Variants in SEPTIN6 observed in about 807,000 individuals in gnomAD.
SEPTIN6 encodes septin-6.
In SEPTIN6, 8 loss-of-function variants were observed where a neutral mutation model predicts 33.6. The observed-to-expected ratio is 0.24, with a 90% CI of 0.14 to 0.43. The LOEUF (loss-of-function observed/expected upper bound fraction) is 0.43. SEPTIN6 is among the 20% of genes least tolerant of loss of function. The pLI, the probability that SEPTIN6 is intolerant of heterozygous loss-of-function variation, is 1.00. For missense variants in SEPTIN6, 250 were observed against 340.8 expected, an observed-to-expected ratio of 0.73 and a Z score of 2.10; for synonymous variants, 131 against 140.0, an observed-to-expected ratio of 0.94 and a Z score of 0.45.
chrX:119,656,923 T>A, intron 3 of SEPTIN6, among the ~76,000 whole-genome samples: 1 of 99,437 alleles, frequency 1.0e-5, no homozygotes. Flanking sequence ...ATAAAGAAAA[T>A]GTGAAAATGT....
chrX:119,616,750 GGAGA>G (rs1473926588), downstream of SEPTIN6: 8 of 1,187,236 alleles, frequency 6.7e-6, no homozygotes, highest in African/African-American at 7.1e-5. Flanking sequence ...AAGCTGGAAA[GGAGA>G]GAGAAAGAGA....
chrX:119,686,583 C>T (rs1281351970), intron 1 of SEPTIN6: 5 of 965,850 alleles, frequency 5.2e-6, no homozygotes, highest in Non-Finnish European at 6.6e-6. Context: ...TGGCCTCCTT[C>T]CTCTGTGCAG....
chrX:119,647,812 CCTGGCTAA>C (rs1205352848), intron 5 of SEPTIN6, among the ~76,000 whole-genome samples: 1 of 107,917 alleles, frequency 9.3e-6, no homozygotes, highest in Non-Finnish European at 1.9e-5. Context: ...CGCCACCATG[CCTGGCTAA>C]TTTTGTCTTT....
At chrX:119,634,568 G>C (rs1170786563) in intron 7 of SEPTIN6, among the ~76,000 whole-genome samples, 2 of 111,060 alleles carry the variant, frequency 1.8e-5, no homozygotes, top group Non-Finnish European at 3.8e-5. Context: ...AAGAGAACAG[G>C]CTTTGAATGC....
At chrX:119,669,135 G>C (rs182366126) in intron 2 of SEPTIN6, among the ~76,000 whole-genome samples, 1 of 113,037 alleles carries the variant, frequency 8.8e-6, no homozygotes, top group Non-Finnish European at 1.9e-5. Context: ...CTAGTCCAAG[G>C]TCACAAACTA....
chrX:119,635,094 G>A (rs1338636161), intron 7 of SEPTIN6: 1 of 351,065 alleles, frequency 2.8e-6, no homozygotes, highest in East Asian at 7.9e-5. Context: ...GGAGGGAGCA[G>A]TAAGGGAAGC....
chrX:119,687,529 G>A (rs1164158905), intron 1 of SEPTIN6, among the ~76,000 whole-genome samples: 1 of 111,442 alleles, frequency 9.0e-6, no homozygotes, highest in Non-Finnish European at 1.9e-5. Context: ...GATTACAGAC[G>A]TGAGCCACCG....
chrX:119,624,144 GTTT>G (rs11338110), intron 10 of SEPTIN6: 10 of 208,036 alleles, frequency 4.8e-5, no homozygotes, highest in African/African-American at 3.0e-4. Flanking sequence ...TTTATTATGG[GTTT>G]TTTTTTTTTG....
Position 119,637,104 on chromosome X carries a change from C to G in SEPTIN6, c.879G>C (p.Arg293=), listed in dbSNP as rs918102450. The change falls in exon 7 of 11, where the codon CGG becomes CGC. Residue 293 remains arginine (R), a synonymous_variant. Transcript: ENST00000394610. ...TACAGCGGCGATACAGCTCATAGTG[C>G]CGGGTGTGGGTCTGCTCCCGCAGAT... ...MEDLREQTHT[R]HYELYRRCKL... 3.3e-6 allele frequency: 4 copies of G among 1,209,429 alleles called. No individual in the cohort carries two copies. The highest frequency in any genetic ancestry group is 3.4e-6 in the Non-Finnish European group (3 of 894,950).
At position 119,618,745 on chromosome X, in the gene SEPTIN6, A is replaced by G. The variant is rs745706499; in HGVS notation, c.*1348T>C. Reference sequence around the variant, plus strand: ...TAAAAGGCTAAATGGAGTCCAGTCCAGCTGTAGCGGGGAATACTATTCAGT... The same window carrying G: ...TAAAAGGCTAAATGGAGTCCAGTCCGGCTGTAGCGGGGAATACTATTCAGT... On this transcript the variant is annotated 3_prime_UTR_variant, in exon 11 of 11. Coordinates refer to ENST00000394610, the MANE Select transcript of SEPTIN6 (RefSeq NM_145799.4). 3 of 1,206,673 alleles carry G rather than the reference A, an allele frequency of 2.5e-6. No homozygotes were observed. The African/African-American group carries it at 5.3e-5, about 21-fold the overall frequency.
At chrX:119,654,110 C>T (rs2054395023) in intron 3 of SEPTIN6, among the ~76,000 whole-genome samples, 1 of 110,709 alleles carries the variant, frequency 9.0e-6, no homozygotes, top group South Asian at 3.9e-4. Context: ...CAGGCAAAAT[C>T]TGGTAAAGCT....
At chrX:119,659,935 C>T (rs543202430) in intron 3 of SEPTIN6, among the ~76,000 whole-genome samples, 1 of 111,911 alleles carries the variant, frequency 8.9e-6, no homozygotes, top group Non-Finnish European at 1.9e-5. Flanking sequence ...TGCCATGGCG[C>T]GATCTCAGCT....
At chrX:119,624,155 T>G (rs773497694) in intron 10 of SEPTIN6, 3 of 232,651 alleles carry the variant, frequency 1.3e-5, no homozygotes, top group Middle Eastern at 1.1e-3. Flanking sequence ...TTTTTTTTTT[T>G]TGTTTTTTTT....
chrX:119,643,564 C>A (rs750711222), intron 5 of SEPTIN6, among the ~76,000 whole-genome samples: 1 of 111,463 alleles, frequency 9.0e-6, no homozygotes, highest in South Asian at 3.8e-4. Context: ...AACATAGCCC[C>A]AGCCCTCCCA....
chrX:119,663,727 G>T, intron 2 of SEPTIN6, 50 bp from the exon 3 acceptor site: 1 of 964,075 alleles, frequency 1.0e-6, no homozygotes, highest in Admixed American at 2.7e-5. Context: ...TGACTATTCA[G>T]CCCTTACACA....
At position 119,678,346 on chromosome X, in the gene SEPTIN6, C is replaced by A. The variant is rs945135872; in HGVS notation, c.31-2678G>T. 4.1e-4 allele frequency among the ~76,000 whole-genome samples: 45 copies of A among 110,005 alleles called. 1 individual carries two copies. In the Admixed American group the frequency reaches 4.4e-3, roughly 11 times the overall value. On this transcript the variant is annotated intron_variant, in intron 1 of 10. Transcript: ENST00000394610. ...CCATCCTGGCTAACACGGTGAAACCCCGTCTCTACTAAAAATACAAAAAAT... is the reference window on the plus strand; with the variant it reads ...CCATCCTGGCTAACACGGTGAAACCACGTCTCTACTAAAAATACAAAAAAT...
chrX:119,665,103 CTTT>C (rs779678789), intron 2 of SEPTIN6, among the ~76,000 whole-genome samples: 22 of 91,747 alleles, frequency 2.4e-4, no homozygotes, highest in Admixed American at 5.9e-4. Flanking sequence ...TCTTCTTCTT[CTTT>C]TTTTTTTTTT....
chrX:119,686,914 T>C (rs2055065702), intron 1 of SEPTIN6, among the ~76,000 whole-genome samples: 2 of 111,189 alleles, frequency 1.8e-5, no homozygotes, highest in African/African-American at 6.6e-5. Context: ...GGGAGTGTAG[T>C]GAAAAGAGGG....
At position 119,629,480 on chromosome X, in the gene SEPTIN6, T is replaced by G. The variant is rs2053920755; in HGVS notation, c.1118A>C (p.Lys373Thr). 8.3e-7 allele frequency: 1 copy of G among 1,209,486 alleles called. No homozygotes were observed. Among genetic ancestry groups the G allele is most frequent in the African/African-American group, 1.8e-5 (1 of 57,047 alleles). Residue 373 changes from lysine (K) to threonine (T), a missense_variant, in exon 9 of 11, where the codon AAA becomes ACA. Lys to Thr is a moderately conservative substitution (Grantham distance 78). Transcript: ENST00000394610. ...TTTCTTCTTCTCGTCCTGGTGCAGTTTCTTCAGACGGTCAAACTTCTCGTG... is the reference window on the plus strand; with the variant it reads ...TTTCTTCTTCTCGTCCTGGTGCAGTGTCTTCAGACGGTCAAACTTCTCGTG... The part of the protein sequence containing the change: ...ELHEKFDRLK[K>T]LHQDEKKKLE...
Sources: allele counts gnomAD v4.1 joint callset (sites outside exome capture counted in the v4.1 genomes callset), GRCh38; gene constraint gnomAD v4.1.1; transcripts MANE v1.5; gene names NCBI Gene and HGNC (gene_info 2026-07-23, HGNC 2026-07-21).